The following PLAGL1 variants were observed in gnomAD, a reference collection of about 807,000 sequenced individuals.
PLAGL1 encodes the protein PLAG1 like zinc finger 1.
Under a neutral mutation model 4.6 loss-of-function variants are expected in PLAGL1, and 1 was observed. That is an observed-to-expected ratio of 0.22 (90% CI 0.08 to 1.03). The LOEUF (loss-of-function observed/expected upper bound fraction) is 1.03, where lower values mean the gene tolerates loss of function less well. Ranked by LOEUF, PLAGL1 falls within the 50% of genes least tolerant of loss-of-function variation. PLAGL1 has a pLI of 0.58. For synonymous variants in PLAGL1, 240 were observed against 237.8 expected, an observed-to-expected ratio of 1.01 and a Z score of -0.08; for missense variants, 464 against 570.4, an observed-to-expected ratio of 0.81 and a Z score of 1.90.
At position 143,970,026 on chromosome 6, in the gene PLAGL1, A is replaced by C. The variant is rs1785129709; in HGVS notation, c.-543-1048T>G. 6.6e-6 allele frequency among the ~76,000 whole-genome samples: 1 copy of C among 152,180 alleles called. No homozygotes were observed. Among genetic ancestry groups the C allele is most frequent in the Admixed American group, 6.5e-5 (1 of 15,268 alleles). Reference sequence around the variant, plus strand: ...AGACAGGAAATAGATCAATAACTTAAACCCATCAACCCTCACCTCCACAGA... The same window carrying C: ...AGACAGGAAATAGATCAATAACTTACACCCATCAACCCTCACCTCCACAGA... On this transcript the variant is annotated intron_variant, in intron 2 of 7. Transcript: ENST00000674357. The surrounding 1 kb of genome is among the most constrained non-coding windows in gnomAD (Gnocchi z 5.8).
rs1427291151 is a variant in PLAGL1, at chr6:143,985,990, A to ATATATATATATATCAAAT, written c.-583-817_-583-816insATTTGATATATATATATA. ...ATTATATATATATAAAATTATATAT[A>ATATATATATATATCAAAT]TATATATATATATATATATATCATT... On this transcript the variant is annotated intron_variant, in intron 1 of 7. Transcript: ENST00000674357. This position sits in a 1 kb window ranked among gnomAD's most constrained non-coding sequence, Gnocchi z 4.4. Among the ~76,000 whole-genome samples the ATATATATATATATCAAAT allele has an allele frequency of 6.5e-5, 4 of 61,332 alleles. No individual in the cohort carries two copies. The East Asian group carries it at 2.7e-3, about 41-fold the overall frequency. The allele number at this position is 61,332 out of a possible 152,430, so 40.2% of individuals were successfully genotyped here.
In PLAGL1 at chr6:144,015,056, A is replaced by C. The variant is rs983200351; in HGVS notation, c.-150-46078T>G. ...CTAAATAAAAAGCAGGAACTATAAA[A>C]CTTCTGGAATCACCTTGTTCAATAC... is the stretch of plus-strand genomic sequence containing the variant. On this transcript the variant is annotated intron_variant, in intron 1 of 3. Transcript: ENST00000437412. The surrounding 1 kb of genome is among the most constrained non-coding windows in gnomAD (Gnocchi z 4.3). Among the ~76,000 whole-genome samples the C allele has an allele frequency of 6.6e-6, 1 of 152,180 alleles. No individual in the cohort carries two copies. The highest frequency in any genetic ancestry group is 1.5e-5 in the Non-Finnish European group (1 of 68,018).
chr6:144,014,731 C>T (rs895240236), intron 1 of PLAGL1, among the ~76,000 whole-genome samples: 4 of 151,944 alleles, frequency 2.6e-5, no homozygotes, highest in African/African-American at 9.7e-5. Flanking sequence ...AGAGAGATGC[C>T]ACGGCACCCA....
chr6:143,973,714 GC>G lies in PLAGL1; in HGVS notation c.-543-4737del, dbSNP rs2128587298. On this transcript the variant is annotated intron_variant, in intron 2 of 7. Coordinates refer to ENST00000674357, the MANE Select transcript of PLAGL1 (RefSeq NM_001317162.2). The surrounding 1 kb of genome is among the most constrained non-coding windows in gnomAD (Gnocchi z 6.2). ...CCAGAGGAAGATGGCTATACACGCA[GC>G]CTCTATTAGTTCACTGCTGTGCTAA... is the stretch of plus-strand genomic sequence containing the variant. Among the ~76,000 whole-genome samples, 1 of 152,306 alleles carries G rather than the reference GC, an allele frequency of 6.6e-6. No homozygotes were observed. The highest frequency in any genetic ancestry group is 2.1e-4 in the South Asian group (1 of 4,826).
chr6:143,966,205 C>A lies in PLAGL1; in HGVS notation c.-471-7G>T, dbSNP rs554648181. On this transcript the variant is annotated splice_polypyrimidine_tract_variant and splice_region_variant and intron_variant, in intron 3 of 7. Transcript: ENST00000674357. This position sits in a 1 kb window ranked among gnomAD's most constrained non-coding sequence, Gnocchi z 6.0. The stretch of plus-strand genomic sequence containing the variant: ...CCCATTAGGTTTCTGTCGACTGCAA[C>A]GAAAAGTCTTGTCTAATCAGAACCA... 2 of 152,108 alleles carry A rather than the reference C, an allele frequency of 1.3e-5. No individual in the cohort carries two copies. The highest frequency in any genetic ancestry group is 2.9e-5 in the Non-Finnish European group (2 of 68,042). 9.4% of individuals were successfully genotyped at this position (152,108 alleles called of 1,614,324 possible).
chr6:143,967,129 G>T (rs768909180), intron 3 of PLAGL1: 10 of 152,250 alleles, frequency 6.6e-5, no homozygotes, highest in South Asian at 2.1e-4. Context: ...TGGCTCTGCT[G>T]CTTGGAAGGT....
At chr6:144,030,504 C>T (rs929798963) in intron 1 of PLAGL1, among the ~76,000 whole-genome samples, 1 of 152,106 alleles carries the variant, frequency 6.6e-6, no homozygotes, top group African/African-American at 2.4e-5. Context: ...ACCTCCCAAC[C>T]TTTTCCCCCA....
chr6:144,031,989 A>T (rs1485846283), intron 1 of PLAGL1, among the ~76,000 whole-genome samples: 1 of 152,102 alleles, frequency 6.6e-6, no homozygotes, highest in Non-Finnish European at 1.5e-5. Context: ...TGAGCATGGG[A>T]TGTGTTTCCA....
intron 1 of PLAGL1, among the ~76,000 whole-genome samples, chr6:144,060,206 C>T (rs912143779): frequency 1.3e-5 from 2 of 152,128 alleles, no homozygotes. Context: ...GTCCACCATG[C>T]CCAGCTAAGT....
intron 1 of PLAGL1, among the ~76,000 whole-genome samples, chr6:144,025,391 T>G (rs1001894449): frequency 6.6e-6 from 1 of 152,108 alleles, no homozygotes; most frequent in African/African-American, 2.4e-5. Context: ...TAGGGGAAAA[T>G]GACTGGAATC....
At chr6:144,008,699 G>C (rs1317801115), upstream of PLAGL1, 1 of 152,344 alleles carries the variant, frequency 6.6e-6, no homozygotes, top group Non-Finnish European at 1.5e-5. This position sits in a 1 kb window ranked among gnomAD's most constrained non-coding sequence, Gnocchi z 6.9. Flanking sequence ...AAACGCGACA[G>C]ATGCTGGGAC....
intron 1 of PLAGL1, among the ~76,000 whole-genome samples, chr6:144,030,282 A>C (rs1189262544): frequency 7.2e-6 from 1 of 138,244 alleles, no homozygotes; most frequent in Non-Finnish European, 1.5e-5. Context: ...AAAAAAAAAA[A>C]AGAAGATGTA....
rs535079724 is a variant in PLAGL1, at chr6:143,952,018, T to C, written c.-324-3558A>G. ...AATACAAATATTTGTTTTCATGATA[T>C]AATAATAAACTTCTGTAAAAACAAG... On this transcript the variant is annotated intron_variant, in intron 6 of 7. Transcript: ENST00000674357. The surrounding 1 kb of genome is among the most constrained non-coding windows in gnomAD (Gnocchi z 6.1). Among the ~76,000 whole-genome samples the C allele has an allele frequency of 6.7e-6, 1 of 149,930 alleles. No individual in the cohort carries two copies. The highest frequency in any genetic ancestry group is 1.5e-5 in the Non-Finnish European group (1 of 67,988).
Position 144,034,416 on chromosome 6 carries a change from C to T in PLAGL1, c.-151+30052G>A, listed in dbSNP as rs1797063898. Among the ~76,000 whole-genome samples the T allele has an allele frequency of 6.6e-6, 1 of 152,216 alleles. No homozygotes were observed. Among genetic ancestry groups the T allele is most frequent in the Admixed American group, 6.5e-5 (1 of 15,288 alleles). On this transcript the variant is annotated intron_variant, in intron 1 of 3. Transcript: ENST00000437412. This position sits in a 1 kb window ranked among gnomAD's most constrained non-coding sequence, Gnocchi z 4.7. ...ATCCCAAGGGCAGTGACTTAAGCCT[C>T]TCCAGTTTTCCTGTTAACTAAGTAA...
intron 1 of PLAGL1, among the ~76,000 whole-genome samples, chr6:144,018,086 T>G (rs1795689097): frequency 6.6e-6 from 1 of 152,234 alleles, no homozygotes; most frequent in Non-Finnish European, 1.5e-5. Context: ...AAGTTACATT[T>G]TGTAGCCATC....
chr6:144,036,801 T>C lies in PLAGL1; in HGVS notation c.-151+27667A>G, dbSNP rs1797279046. 1 of 338,116 alleles carries C rather than the reference T, an allele frequency of 3.0e-6. No homozygotes were observed. The highest frequency in any genetic ancestry group is 2.4e-5 in the South Asian group (1 of 41,798). 20.9% of individuals were successfully genotyped at this position (338,116 alleles called of 1,614,324 possible). On this transcript the variant is annotated intron_variant, in intron 1 of 3. Transcript: ENST00000437412. The surrounding 1 kb of genome is among the most constrained non-coding windows in gnomAD (Gnocchi z 5.1). ...GAAGGCAGACCTGCTAAATGCCCAT[T>C]ATGACACTATTTGACTAAACAGGTT...
rs962299318 is a variant in PLAGL1 at position 143,970,987 on chromosome 6, C to G, written c.-543-2009G>C. ...GTGCAGTTTGATTTCCTACATTTCC[C>G]TCCACTCTCTGCCTCTCCCTACTTT... On this transcript the variant is annotated intron_variant, in intron 2 of 7. Transcript: ENST00000674357. The surrounding 1 kb of genome is among the most constrained non-coding windows in gnomAD (Gnocchi z 5.8). Among the ~76,000 whole-genome samples the G allele has an allele frequency of 1.3e-5, 2 of 152,140 alleles. No individual in the cohort carries two copies. The highest frequency in any genetic ancestry group is 2.9e-5 in the Non-Finnish European group (2 of 68,012).
chr6:143,968,804 G>C lies in PLAGL1; in HGVS notation c.-472+103C>G, dbSNP rs776977939. 1 of 152,240 alleles carries C rather than the reference G, an allele frequency of 6.6e-6. No homozygotes were observed. The highest frequency in any genetic ancestry group is 2.4e-5 in the African/African-American group (1 of 41,450). 9.4% of individuals were successfully genotyped at this position (152,240 alleles called of 1,614,324 possible). A position where few individuals can be genotyped will look rare whatever the true frequency, so the allele number is the denominator to read the frequency against. Reference sequence around the variant, plus strand: ...CTACCATGGAGGAGGCGAAGGCTCTGGTTTGTGCTGTAATGCGAGGAGAGA... The same window carrying C: ...CTACCATGGAGGAGGCGAAGGCTCTCGTTTGTGCTGTAATGCGAGGAGAGA... On this transcript the variant is annotated intron_variant, in intron 3 of 7. Transcript: ENST00000674357. This position sits in a 1 kb window ranked among gnomAD's most constrained non-coding sequence, Gnocchi z 6.3.
At chr6:144,029,045 T>C (rs1165871987) in intron 1 of PLAGL1, among the ~76,000 whole-genome samples, 1 of 152,228 alleles carries the variant, frequency 6.6e-6, no homozygotes, top group Non-Finnish European at 1.5e-5. Flanking sequence ...ATTTTATTAC[T>C]ATATGTTTTG....
Sources: gnomAD v4.1 joint callset for allele counts (sites outside exome capture counted in the v4.1 genomes callset) on GRCh38, gnomAD v4.1.1 for gene constraint, Gnocchi (gnomAD v3.1) non-coding constraint, MANE v1.5 for transcripts, NCBI Gene and HGNC (gene_info 2026-07-23, HGNC 2026-07-21) for gene names.